Variants in SMIM13 observed in about 807,000 individuals in gnomAD.
The protein encoded by SMIM13 is small integral membrane protein 13.
Under a neutral mutation model 5.9 loss-of-function variants are expected in SMIM13, and 3 were observed. That is an observed-to-expected ratio of 0.51 (90% CI 0.23 to 1.31). The LOEUF (loss-of-function observed/expected upper bound fraction) is 1.31, where lower values mean the gene tolerates loss of function less well. Among genes scored for constraint, SMIM13 ranks in the 40% most tolerant of loss-of-function variants. The pLI, the probability that SMIM13 is intolerant of heterozygous loss-of-function variation, is 0.18. For missense variants in SMIM13, 85 were observed against 109.9 expected (o/e 0.77, Z 1.01); for synonymous variants, 55 against 46.0 (o/e 1.19, Z -0.79).
intron 1 of SMIM13, among the ~76,000 whole-genome samples, chr6:11,117,357 T>TA (rs953514706): frequency 1.6e-5 from 2 of 125,258 alleles, no homozygotes; most frequent in African/African-American, 6.2e-5. Flanking sequence ...TTTTTTTTTT[T>TA]AATAGAGACG....
intron 1 of SMIM13, among the ~76,000 whole-genome samples, chr6:11,109,784 G>T (rs1480133769): frequency 2.0e-5 from 3 of 152,162 alleles, no homozygotes; most frequent in Non-Finnish European, 4.4e-5. Context: ...ACTTTTCCCA[G>T]TTCTTGAGGA....
intron 1 of SMIM13, among the ~76,000 whole-genome samples, chr6:11,099,573 A>T (rs970362110): frequency 5.3e-5 from 8 of 152,210 alleles, no homozygotes; most frequent in African/African-American, 1.9e-4. Context: ...TATCCCTGAC[A>T]CCTACAGAAG....
chr6:11,134,361 G>A, intron 1 of SMIM13, 42 bp from the exon 2 acceptor site: 4 of 1,423,406 alleles, frequency 2.8e-6, no homozygotes, highest in Non-Finnish European at 2.9e-6. Flanking sequence ...TGATAACATT[G>A]TGTGTAATAA....
At chr6:11,131,962 T>G (rs1758455497) in intron 1 of SMIM13, among the ~76,000 whole-genome samples, 1 of 152,132 alleles carries the variant, frequency 6.6e-6, no homozygotes, top group Admixed American at 6.6e-5. Context: ...TTCAAAGGAC[T>G]TTTTCAAGAC....
intron 1 of SMIM13, 22 bp downstream of exon 1, chr6:11,094,411 G>T (rs1341468045): frequency 1.3e-6 from 2 of 1,528,800 alleles, no homozygotes; most frequent in Non-Finnish European, 1.8e-6. Flanking sequence ...CGGTAGCCGC[G>T]AGGCAGTTCC....
intron 1 of SMIM13, chr6:11,111,774 G>A (rs968374816): frequency 6.6e-6 from 1 of 152,252 alleles, no homozygotes; most frequent in South Asian, 2.1e-4. Context: ...TGGTTCCGGG[G>A]TTTCCATTTC....
intron 1 of SMIM13, among the ~76,000 whole-genome samples, chr6:11,120,180 A>G (rs531625875): frequency 1.6e-4 from 25 of 152,240 alleles, no homozygotes; most frequent in Non-Finnish European, 3.1e-4. Flanking sequence ...ACAATTTACA[A>G]AGATCAGAAT....
rs898553025 is a variant in SMIM13 at position 11,097,729 on chromosome 6, CA to C, written c.76+3342del. Reference sequence around the variant, plus strand: ...ACAGTCACACTGGGGGTTAGGATTTCAACATATGAATTTGGATGGCACACGA... The same window carrying C: ...ACAGTCACACTGGGGGTTAGGATTTCACATATGAATTTGGATGGCACACGA... On this transcript the variant is annotated intron_variant, in intron 1 of 1. Transcript: ENST00000416247. Among the ~76,000 whole-genome samples the C allele has an allele frequency of 1.8e-4, 28 of 151,840 alleles. 1 individual carries two copies. Among genetic ancestry groups the C allele is most frequent in the Admixed American group, 1.5e-3 (23 of 15,266 alleles).
chr6:11,117,588 G>A (rs1430495252), intron 1 of SMIM13, among the ~76,000 whole-genome samples: 1 of 152,030 alleles, frequency 6.6e-6, no homozygotes, highest in East Asian at 1.9e-4. Context: ...TTATTTAGAA[G>A]TATGTTGTTA....
At chr6:11,109,533 C>T (rs1359271984) in intron 1 of SMIM13, among the ~76,000 whole-genome samples, 3 of 152,104 alleles carry the variant, frequency 2.0e-5, no homozygotes, top group African/African-American at 7.2e-5. Context: ...TGACTATGGC[C>T]ATGGATCTGT....
At chr6:11,100,783 G>A (rs1473769657) in intron 1 of SMIM13, among the ~76,000 whole-genome samples, 1 of 152,108 alleles carries the variant, frequency 6.6e-6, no homozygotes, top group Non-Finnish European at 1.5e-5. Flanking sequence ...TTACCCCATT[G>A]ATTTCTTGCT....
At chr6:11,127,678 C>T (rs544439300) in intron 1 of SMIM13, among the ~76,000 whole-genome samples, 149 of 152,316 alleles carry the variant, frequency 9.8e-4, no homozygotes, top group African/African-American at 3.4e-3. Context: ...CATCAGATCT[C>T]GTGAGACTTA....
At chr6:11,121,622 T>C (rs1166013865) in intron 1 of SMIM13, among the ~76,000 whole-genome samples, 1 of 152,208 alleles carries the variant, frequency 6.6e-6, no homozygotes, top group Non-Finnish European at 1.5e-5. Context: ...TTTGGTGCTC[T>C]CTTACCAATA....
intron 1 of SMIM13, among the ~76,000 whole-genome samples, chr6:11,106,933 T>C (rs541991712): frequency 8.5e-5 from 13 of 152,340 alleles, no homozygotes; most frequent in African/African-American, 3.1e-4. Flanking sequence ...CAGAAACGTG[T>C]ATTTGGAATT....
At chr6:11,114,592 CTT>C (rs58585640) in intron 1 of SMIM13, among the ~76,000 whole-genome samples, 8 of 21,836 alleles carry the variant, frequency 3.7e-4, no homozygotes, top group East Asian at 3.8e-3. Context: ...CACTTTTTCT[CTT>C]TTTTTTTTTT....
intron 1 of SMIM13, chr6:11,111,728 T>A (rs1002736752): frequency 3.9e-5 from 6 of 152,232 alleles, no homozygotes; most frequent in African/African-American, 7.2e-5. Flanking sequence ...CCAAGTGCCC[T>A]GTTCAGCCCT....
chr6:11,099,215 G>T (rs770434749), intron 1 of SMIM13, among the ~76,000 whole-genome samples: 1 of 151,614 alleles, frequency 6.6e-6, no homozygotes, highest in East Asian at 1.9e-4. Flanking sequence ...TAGCTCTGTC[G>T]CCAGGCTGGA....
intron 1 of SMIM13, among the ~76,000 whole-genome samples, chr6:11,120,251 C>T (rs894311080): frequency 5.9e-5 from 9 of 152,278 alleles, no homozygotes; most frequent in East Asian, 1.9e-4. Context: ...GTGTCTTAAT[C>T]GGTTTGGGCT....
At chr6:11,120,466 G>A (rs951996079) in intron 1 of SMIM13, among the ~76,000 whole-genome samples, 1 of 152,156 alleles carries the variant, frequency 6.6e-6, no homozygotes, top group East Asian at 1.9e-4. Context: ...TCTCTGGGGT[G>A]TTATTTTAAT....
Sources: gnomAD v4.1 joint callset for allele counts (sites outside exome capture counted in the v4.1 genomes callset) on GRCh38, gnomAD v4.1.1 for gene constraint, MANE v1.5 for transcripts, NCBI Gene and HGNC (gene_info 2026-07-23, HGNC 2026-07-21) for gene names.